MAP3K5: variants seen among roughly 807,000 people sequenced by gnomAD.
MAP3K5 encodes the protein mitogen-activated protein kinase kinase kinase 5, also known as ASK-1.
A neutral mutation model predicts 158.7 loss-of-function variants in MAP3K5; 56 were observed. That is an observed-to-expected ratio of 0.35 (90% confidence interval 0.28 to 0.44). The LOEUF is 0.44. Among genes scored for constraint, MAP3K5 ranks in the 20% least tolerant of loss-of-function variants. MAP3K5 has a pLI of 1.00. For synonymous variants in MAP3K5, 579 were observed against 601.7 expected, an observed-to-expected ratio of 0.96 and a Z score of 0.55; for missense variants, 1,294 against 1,674.8, an observed-to-expected ratio of 0.77 and a Z score of 3.97.
intron 1 of MAP3K5, among the ~76,000 whole-genome samples, chr6:136,744,034 A>G (rs1436070848): frequency 6.6e-6 from 1 of 152,224 alleles, no homozygotes; most frequent in East Asian, 1.9e-4. Context: ...GCAGAGAACC[A>G]AGATTTTTAG....
At chr6:136,768,767 G>A (rs762527617) in intron 1 of MAP3K5, among the ~76,000 whole-genome samples, 1 of 152,052 alleles carries the variant, frequency 6.6e-6, no homozygotes, top group East Asian at 1.9e-4. Flanking sequence ...TTCAAAAGTA[G>A]CCAGGCATGG....
chr6:136,571,618 A>G (rs2129071422), intron 25 of MAP3K5, among the ~76,000 whole-genome samples: 1 of 152,330 alleles, frequency 6.6e-6, no homozygotes, highest in South Asian at 2.1e-4. Flanking sequence ...ATTCCATTAT[A>G]TGTATACACC....
chr6:136,623,105 T>A, intron 14 of MAP3K5, 124 bp from the exon 15 acceptor site: 1 of 822,754 alleles, frequency 1.2e-6, no homozygotes, highest in Non-Finnish European at 2.0e-6. Flanking sequence ...GCTGAAGTTC[T>A]AAGAAGCAGC....
chr6:136,717,609 CTT>C (rs1458216438), intron 2 of MAP3K5, among the ~76,000 whole-genome samples: 1 of 152,160 alleles, frequency 6.6e-6, no homozygotes, highest in Non-Finnish European at 1.5e-5. Context: ...TTAAATATCT[CTT>C]GTTCTGCTTC....
intron 1 of MAP3K5, among the ~76,000 whole-genome samples, chr6:136,791,439 G>A (rs975534498): frequency 1.2e-4 from 18 of 152,098 alleles, no homozygotes; most frequent in Non-Finnish European, 1.5e-5. Context: ...CTGGAGAACA[G>A]TTCAAGTCGA....
At chr6:136,753,214 A>T (rs1783302333) in intron 1 of MAP3K5, among the ~76,000 whole-genome samples, 1 of 152,250 alleles carries the variant, frequency 6.6e-6, no homozygotes. Context: ...TGTTTTTAAC[A>T]TGGGAAGACT....
intron 8 of MAP3K5, among the ~76,000 whole-genome samples, chr6:136,664,975 A>G (rs1029040064): frequency 6.6e-6 from 1 of 152,132 alleles, no homozygotes; most frequent in African/African-American, 2.4e-5. Context: ...GCTGCTGTAC[A>G]CTTCACAGTT....
chr6:136,643,589 T>C (rs1281929428), intron 11 of MAP3K5, among the ~76,000 whole-genome samples: 4 of 152,146 alleles, frequency 2.6e-5, no homozygotes, highest in Non-Finnish European at 5.9e-5. Context: ...AAAGCGACAA[T>C]TTATATCTAC....
At chr6:136,630,410 A>T (rs1777289261) in intron 14 of MAP3K5, 1 of 151,696 alleles carries the variant, frequency 6.6e-6, no homozygotes, top group Non-Finnish European at 1.5e-5. Context: ...GGTGCCTACC[A>T]TTCAATAGCT....
chr6:136,580,875 C>T lies in MAP3K5; in HGVS notation c.3412-469G>A, dbSNP rs144223953. ...TGTCACCCAGGGTGGAGTGCAGTGG[C>T]GGGATCATGGCTCACTGCAACCTGT... is the stretch of plus-strand genomic sequence containing the variant. On this transcript the variant is annotated intron_variant, in intron 24 of 29. Transcript: ENST00000359015. 6.5e-3 allele frequency among the ~76,000 whole-genome samples: 994 copies of T among 151,854 alleles called. 16 individuals are homozygous for T. Among genetic ancestry groups the T allele is most frequent in the African/African-American group, 0.022 (926 of 41,280 alleles).
intron 1 of MAP3K5, among the ~76,000 whole-genome samples, chr6:136,791,314 C>A (rs1785063638): frequency 6.6e-6 from 1 of 152,108 alleles, no homozygotes; most frequent in South Asian, 2.1e-4. Context: ...AAAAGGAGAA[C>A]CTCATCTAAA....
chr6:136,639,538 C>T lies in MAP3K5; in HGVS notation c.1934+5G>A, dbSNP rs1388433035. ...TCTTTTTCACACACAATGACTAATA[C>T]GTACTTTTTACAATGAAGTTCTGTA... On this transcript the variant is annotated splice_donor_5th_base_variant and intron_variant, in intron 13 of 29. Coordinates refer to ENST00000359015, the MANE Select transcript of MAP3K5 (RefSeq NM_005923.4). 3.3e-6 allele frequency: 5 copies of T among 1,516,220 alleles called. No individual in the cohort carries two copies. Among genetic ancestry groups the T allele is most frequent in the East Asian group, 2.3e-5 (1 of 44,100 alleles). The allele number at this position is 1,516,220 out of a possible 1,614,324, so 93.9% of individuals were successfully genotyped here. A position where few individuals can be genotyped will look rare whatever the true frequency, so the allele number is the denominator to read the frequency against.
At chr6:136,668,357 C>T (rs1200674890) in intron 8 of MAP3K5, among the ~76,000 whole-genome samples, 1 of 152,090 alleles carries the variant, frequency 6.6e-6, no homozygotes. Context: ...GCACCCTTGC[C>T]TGAGTGACAG....
At chr6:136,685,165 A>G (rs1583414287) in intron 7 of MAP3K5, among the ~76,000 whole-genome samples, 2 of 152,098 alleles carry the variant, frequency 1.3e-5, no homozygotes, top group Non-Finnish European at 2.9e-5. Flanking sequence ...AAAAAATACA[A>G]AAAGTAGCTG....
chr6:136,702,434 C>G (rs574295303), intron 3 of MAP3K5, among the ~76,000 whole-genome samples: 2 of 152,308 alleles, frequency 1.3e-5, no homozygotes, highest in Admixed American at 1.3e-4. Flanking sequence ...TCTGTATTTT[C>G]TGTGTGCAGA....
intron 1 of MAP3K5, among the ~76,000 whole-genome samples, chr6:136,773,673 AGT>A (rs1784299201): frequency 6.6e-6 from 1 of 151,990 alleles, no homozygotes; most frequent in Non-Finnish European, 1.5e-5. Context: ...TCTGAGACAG[AGT>A]CTGGCTGTTT....
Position 136,557,493 on chromosome 6 carries a change from G to C in MAP3K5, c.*265C>G. ...AAAAATATTTCCATAAAAATGCTTA[G>C]ATTAAAATCTTCCTGAACATTAGGG... On this transcript the variant is annotated 3_prime_UTR_variant, in exon 30 of 30. Coordinates refer to ENST00000359015, the MANE Select transcript of MAP3K5 (RefSeq NM_005923.4). The C allele has an allele frequency of 3.1e-6, 1 of 324,570 alleles. No individual in the cohort carries two copies. The highest frequency in any genetic ancestry group is 5.7e-5 in the East Asian group (1 of 17,594). 20.1% of individuals were successfully genotyped at this position (324,570 alleles called of 1,614,324 possible).
At chr6:136,642,067 A>AAAT (rs1482168454) in intron 12 of MAP3K5, among the ~76,000 whole-genome samples, 2 of 143,510 alleles carry the variant, frequency 1.4e-5, no homozygotes, top group Non-Finnish European at 3.0e-5. Flanking sequence ...AAATAAAATA[A>AAAT]AATAAAATAA....
upstream of MAP3K5, among the ~76,000 whole-genome samples, chr6:136,793,024 C>G (rs1582716689): frequency 2.0e-5 from 3 of 152,166 alleles, no homozygotes; most frequent in South Asian, 2.1e-4. Flanking sequence ...CCACCCGGCC[C>G]CCACCTACGA....
Sources: allele counts gnomAD v4.1 joint callset (sites outside exome capture counted in the v4.1 genomes callset), GRCh38; gene constraint gnomAD v4.1.1; transcripts MANE v1.5; gene names NCBI Gene and HGNC (gene_info 2026-07-23, HGNC 2026-07-21).